The following AGBL4 variants were observed in gnomAD, a reference collection of about 807,000 sequenced individuals.
AGBL4 encodes the protein cytosolic carboxypeptidase 6.
A neutral mutation model predicts 66.4 loss-of-function variants in AGBL4; 58 were observed. The ratio of observed to expected loss-of-function variants is 0.87; its 90% CI spans 0.71 to 1.09. The LOEUF (loss-of-function observed/expected upper bound fraction) is 1.09, where lower values mean the gene tolerates loss of function less well. Ranked by LOEUF, AGBL4 falls within the 50% of genes least tolerant of loss-of-function variation. The pLI is 0.00. For missense variants in AGBL4, 579 were observed against 631.0 expected (o/e 0.92, Z 0.88); for synonymous variants, 234 against 222.9 (o/e 1.05, Z -0.44).
At chr1:49,098,315 T>C (rs993621261) in intron 4 of AGBL4, among the ~76,000 whole-genome samples, 2 of 152,166 alleles carry the variant, frequency 1.3e-5, no homozygotes, top group Non-Finnish European at 2.9e-5. Flanking sequence ...GGAATGCATA[T>C]AGAGTGGAGG....
At chr1:48,992,891 C>G (rs1660718743) in intron 5 of AGBL4, among the ~76,000 whole-genome samples, 1 of 152,188 alleles carries the variant, frequency 6.6e-6, no homozygotes, top group African/African-American at 2.4e-5. Context: ...GAGCTCCTCT[C>G]TGGCCCAGGG....
intron 3 of AGBL4, among the ~76,000 whole-genome samples, chr1:49,486,181 G>C (rs1291798348): frequency 6.6e-6 from 1 of 151,866 alleles, no homozygotes; most frequent in African/African-American, 2.4e-5. Context: ...GCAAATCAAA[G>C]TATTCATGTA....
chr1:48,874,423 C>T (rs532158543), intron 5 of AGBL4, among the ~76,000 whole-genome samples: 3 of 152,258 alleles, frequency 2.0e-5, no homozygotes, highest in Admixed American at 2.0e-4. Context: ...CTAGCCTCTT[C>T]ACTGGCTATA....
intron 4 of AGBL4, among the ~76,000 whole-genome samples, chr1:49,224,616 C>CA (rs377573639): frequency 0.39 from 29,298 of 74,318 alleles, 4,926 homozygotes; most frequent in East Asian, 0.74. Flanking sequence ...GACTCCCTCT[C>CA]AAAAAAAAAA....
intron 2 of AGBL4, among the ~76,000 whole-genome samples, chr1:49,762,251 T>C (rs150887869): frequency 1.1e-4 from 17 of 152,330 alleles, no homozygotes; most frequent in Non-Finnish European, 2.2e-4. Flanking sequence ...TTTTGTCTTT[T>C]TGATGACAGT....
At chr1:49,015,505 C>A (rs1662749680) in intron 5 of AGBL4, among the ~76,000 whole-genome samples, 1 of 149,844 alleles carries the variant, frequency 6.7e-6, no homozygotes, top group African/African-American at 2.5e-5. Flanking sequence ...TCACTGCAAG[C>A]TCCGCCTCCT....
intron 5 of AGBL4, among the ~76,000 whole-genome samples, chr1:48,925,171 CACAT>C (rs1165415687): frequency 2.6e-5 from 4 of 151,364 alleles, no homozygotes; most frequent in Admixed American, 6.6e-5. Flanking sequence ...CACACACACA[CACAT>C]ATGTGTGTGT....
At chr1:49,792,658 C>G (rs1382921262) in intron 2 of AGBL4, among the ~76,000 whole-genome samples, 1 of 151,934 alleles carries the variant, frequency 6.6e-6, no homozygotes, top group Admixed American at 6.6e-5. Flanking sequence ...TTCTTTCTTA[C>G]CTCAGGTTTT....
chr1:49,169,392 A>G (rs1646692174), intron 4 of AGBL4, among the ~76,000 whole-genome samples: 2 of 152,274 alleles, frequency 1.3e-5, no homozygotes, highest in South Asian at 2.1e-4. Flanking sequence ...TTCTACTCCT[A>G]TAAGGGCTTG....
Position 48,986,667 on chromosome 1 carries a change from G to A in AGBL4, c.594+58917C>T, listed in dbSNP as rs139374768. 8.5e-5 allele frequency among the ~76,000 whole-genome samples: 13 copies of A among 152,048 alleles called. No individual in the cohort carries two copies. The East Asian group carries it at 2.5e-3, about 29-fold the overall frequency. Reference sequence around the variant, plus strand: ...TAAGAAGCATTAAAGGAAGTGCTTCGAGCTGAAAGAAAATTATGCCAGATG... The same window carrying A: ...TAAGAAGCATTAAAGGAAGTGCTTCAAGCTGAAAGAAAATTATGCCAGATG... On this transcript the variant is annotated intron_variant, in intron 5 of 13. Transcript: ENST00000371839.
intron 3 of AGBL4, among the ~76,000 whole-genome samples, chr1:49,257,894 C>T (rs2148352014): frequency 1.3e-5 from 2 of 152,282 alleles, no homozygotes; most frequent in East Asian, 3.9e-4. Flanking sequence ...CCTGAGCAGC[C>T]TAACTGGGAG....
chr1:49,646,873 T>C (rs1304682811), intron 3 of AGBL4, among the ~76,000 whole-genome samples: 1 of 151,792 alleles, frequency 6.6e-6, no homozygotes, highest in African/African-American at 2.4e-5. Context: ...TAGGACCACA[T>C]GTAAATGGCC....
At chr1:49,211,688 C>T (rs560647234) in intron 4 of AGBL4, among the ~76,000 whole-genome samples, 2 of 152,002 alleles carry the variant, frequency 1.3e-5, no homozygotes, top group Non-Finnish European at 2.9e-5. Flanking sequence ...TGTAGTAGGG[C>T]AGACAGACAA....
At chr1:49,999,712 T>C (rs965243990) in intron 1 of AGBL4, among the ~76,000 whole-genome samples, 1 of 152,082 alleles carries the variant, frequency 6.6e-6, no homozygotes, top group Non-Finnish European at 1.5e-5. Flanking sequence ...ATGGTACTGA[T>C]ATAAAAATAG....
intron 6 of AGBL4, among the ~76,000 whole-genome samples, chr1:48,695,317 G>T (rs187724367): frequency 2.7e-4 from 41 of 152,302 alleles, no homozygotes; most frequent in Non-Finnish European, 5.0e-4. Flanking sequence ...TGACAAGCAG[G>T]GTTGGGGGAG....
intron 2 of AGBL4, among the ~76,000 whole-genome samples, chr1:49,782,838 G>A (rs954224913): frequency 4.7e-4 from 71 of 152,128 alleles, no homozygotes; most frequent in African/African-American, 1.5e-3. Context: ...GCAGCAAGAA[G>A]TCCCTTGCCA....
At chr1:49,576,893 T>G (rs1644447546) in intron 3 of AGBL4, among the ~76,000 whole-genome samples, 2 of 152,166 alleles carry the variant, frequency 1.3e-5, no homozygotes. Flanking sequence ...GCTGCAGCAC[T>G]ACAGCCCCTT....
At chr1:49,903,277 C>T (rs777824625) in intron 1 of AGBL4, among the ~76,000 whole-genome samples, 4 of 151,998 alleles carry the variant, frequency 2.6e-5, no homozygotes, top group Non-Finnish European at 5.9e-5. Context: ...TGCATGTTCT[C>T]GCTTATAAGT....
In AGBL4 at chr1:49,608,897, A is replaced by C. The variant is rs1355793858; in HGVS notation, c.282+88416T>G. Among the ~76,000 whole-genome samples, 21 of 152,194 alleles carry C rather than the reference A, an allele frequency of 1.4e-4. 1 individual carries two copies. Among genetic ancestry groups the C allele is most frequent in the Admixed American group, 1.4e-3 (21 of 15,282 alleles). ...TATAATTGTATCACAAGAACTATGC[A>C]TGGTAGGTGTCCTCACTACCATCAC... is the stretch of plus-strand genomic sequence containing the variant. On this transcript the variant is annotated intron_variant, in intron 3 of 13. Transcript: ENST00000371839.
Sources: allele counts gnomAD v4.1 joint callset (sites outside exome capture counted in the v4.1 genomes callset), GRCh38; gene constraint gnomAD v4.1.1; transcripts MANE v1.5; gene names NCBI Gene and HGNC (gene_info 2026-07-23, HGNC 2026-07-21).